The following ARTN variants were observed in gnomAD, a reference collection of about 807,000 sequenced individuals.
ARTN encodes the protein neublastin.
A neutral mutation model predicts 15.4 loss-of-function variants in ARTN; 9 were observed. The observed-to-expected ratio is 0.58, with a 90% CI of 0.35 to 1.02. The LOEUF (loss-of-function observed/expected upper bound fraction) is 1.02. Among genes scored for constraint, ARTN ranks in the 50% least tolerant of loss-of-function variants. The pLI is 0.02. For missense variants in ARTN, 284 were observed against 327.9 expected (o/e 0.87, Z 1.03); for synonymous variants, 163 against 155.8 (o/e 1.05, Z -0.35).
chr1:43,936,686 C>A lies in ARTN; in HGVS notation c.584C>A (p.Ala195Glu). The A allele has an allele frequency of 6.3e-7, 1 of 1,596,748 alleles. No homozygotes were observed. Among genetic ancestry groups the A allele is most frequent in the Admixed American group, 1.7e-5 (1 of 58,598 alleles). ...TGCTGCCGACCCACGCGCTACGAAG[C>A]GGTCTCCTTCATGGACGTCAACAGC... is the stretch of plus-strand genomic sequence containing the variant. Reference protein sequence around the residue: ...QPCCRPTRYEAVSFMDVNSTW... With the variant: ...QPCCRPTRYEEVSFMDVNSTW... The change falls in exon 5 of 5, where the codon GCG becomes GAG. Residue 195 changes from alanine to glutamate, a missense_variant. Transcript: ENST00000372359. This position sits in a 1 kb window ranked among gnomAD's most constrained non-coding sequence, Gnocchi z 6.6.
rs2085064697 is a variant in ARTN, at chr1:43,933,853, G to C, written c.-249G>C. On this transcript the variant is annotated 5_prime_UTR_variant, in exon 1 of 5. Coordinates refer to ENST00000372359, the MANE Select transcript of ARTN (RefSeq NM_057091.3). Reference sequence around the variant, plus strand: ...GCAGGTCCCTCGGGCCCCAGCCCTCGCTGCCACCCGGGCCTGGAGCCCCAC... The same window carrying C: ...GCAGGTCCCTCGGGCCCCAGCCCTCCCTGCCACCCGGGCCTGGAGCCCCAC... The C allele has an allele frequency of 6.6e-6, 1 of 152,310 alleles. No homozygotes were observed. Among genetic ancestry groups the C allele is most frequent in the African/African-American group, 2.4e-5 (1 of 41,446 alleles). The allele number at this position is 152,310 out of a possible 1,614,324, so 9.4% of individuals were successfully genotyped here. A position where few individuals can be genotyped will look rare whatever the true frequency, so the allele number is the denominator to read the frequency against.
Position 43,936,668 on chromosome 1 carries a change from G to A in ARTN, c.566G>A (p.Arg189Gln). The A allele has an allele frequency of 6.3e-7, 1 of 1,597,420 alleles. No homozygotes were observed. Among genetic ancestry groups the A allele is most frequent in the Non-Finnish European group, 8.5e-7 (1 of 1,172,588 alleles). The change falls in exon 5 of 5, where the codon CGA becomes CAA. Residue 189 changes from arginine to glutamine, a missense_variant. Transcript: ENST00000372359. This position sits in a 1 kb window ranked among gnomAD's most constrained non-coding sequence, Gnocchi z 6.6. The part of the protein sequence containing the change: ...GSRPVSQPCC[R>Q]PTRYEAVSFM... ...CGGCCCGTCAGCCAGCCCTGCTGCC[G>A]ACCCACGCGCTACGAAGCGGTCTCC... is the stretch of plus-strand genomic sequence containing the variant.
intron 3 of ARTN, 124 bp from the exon 4 acceptor site, chr1:43,935,969 C>A: frequency 2.9e-6 from 4 of 1,364,066 alleles, no homozygotes; most frequent in Non-Finnish European, 4.2e-6. Context: ...CCCCTCCACA[C>A]AGCTAGGAGC....
At chr1:43,935,874 T>C (rs2085085974) in intron 3 of ARTN, 158 bp downstream of exon 3, 3 of 897,306 alleles carry the variant, frequency 3.3e-6, no homozygotes, top group Non-Finnish European at 5.2e-6. Flanking sequence ...CTTCTCTGAA[T>C]GGTCGGTGCA....
At position 43,936,892 on chromosome 1, in the gene ARTN, T is replaced by TTC; in HGVS notation, c.*127_*128insTC. Reference sequence around the variant, plus strand: ...GAAGGCCTCAAAGCTGAGAGGCCCCTGCCGGTGGGTGATGGATATCATCCC... The same window carrying TTC: ...GAAGGCCTCAAAGCTGAGAGGCCCCTTCGCCGGTGGGTGATGGATATCATCCC... On this transcript the variant is annotated 3_prime_UTR_variant, in exon 5 of 5. Coordinates refer to ENST00000372359, the MANE Select transcript of ARTN (RefSeq NM_057091.3). The surrounding 1 kb of genome is among the most constrained non-coding windows in gnomAD (Gnocchi z 6.6). The TTC allele has an allele frequency of 8.0e-7, 1 of 1,249,844 alleles. No homozygotes were observed. The highest frequency in any genetic ancestry group is 1.0e-6 in the Non-Finnish European group (1 of 975,252). The allele number at this position is 1,249,844 out of a possible 1,614,324, so 77.4% of individuals were successfully genotyped here.
At chr1:43,935,568 A>T in intron 2 of ARTN, 22 bp from the exon 3 acceptor site, 1 of 1,367,956 alleles carries the variant, frequency 7.3e-7, no homozygotes, top group Non-Finnish European at 1.0e-6. Context: ...CACAAAAGAT[A>T]ACTCATCTCT....
In ARTN at chr1:43,936,802, C is replaced by T. The variant is rs1175174127; in HGVS notation, c.*37C>T. ...AGGGCTTTGCAGACTGGACCCTTAC[C>T]GGTGGCTCTTCCTGCCTGGGACCCT... is the stretch of plus-strand genomic sequence containing the variant. On this transcript the variant is annotated 3_prime_UTR_variant, in exon 5 of 5. Transcript: ENST00000372359. This position sits in a 1 kb window ranked among gnomAD's most constrained non-coding sequence, Gnocchi z 6.6. The T allele has an allele frequency of 2.2e-6, 3 of 1,395,138 alleles. No individual in the cohort carries two copies. The highest frequency in any genetic ancestry group is 2.8e-6 in the Non-Finnish European group (3 of 1,067,206). 86.4% of individuals were successfully genotyped at this position (1,395,138 alleles called of 1,614,324 possible). A position where few individuals can be genotyped will look rare whatever the true frequency, so the allele number is the denominator to read the frequency against.
rs2154301700 is a variant in ARTN, at chr1:43,936,561, C to T, written c.459C>T (p.Ser153=). ...ELVRFRFCSG[S]CRRARSPHDL... ...TGCGTTTCCGCTTCTGCAGCGGCTC[C>T]TGCCGCCGCGCGCGCTCTCCACACG... is the stretch of plus-strand genomic sequence containing the variant. Residue 153 remains serine (S), a synonymous_variant, in exon 5 of 5, where the codon TCC becomes TCT. Coordinates refer to ENST00000372359, the MANE Select transcript of ARTN (RefSeq NM_057091.3). This position sits in a 1 kb window ranked among gnomAD's most constrained non-coding sequence, Gnocchi z 6.6. 6.5e-7 allele frequency: 1 copy of T among 1,550,220 alleles called. No homozygotes were observed. The highest frequency in any genetic ancestry group is 8.7e-7 in the Non-Finnish European group (1 of 1,153,126).
At position 43,935,660 on chromosome 1, in the gene ARTN, G is replaced by A. The variant is rs1371203435; in HGVS notation, c.4G>A (p.Glu2Lys). 5.0e-6 allele frequency: 8 copies of A among 1,613,462 alleles called. No homozygotes were observed. The highest frequency in any genetic ancestry group is 1.3e-5 in the African/African-American group (1 of 74,920). ...GGCGCTCCTGGTGTTGATAGAGATG[G>A]AACTTGGACTTGGAGGCCTCTCCAC... Reference protein sequence around the residue: MELGLGGLSTLS... With the variant: MKLGLGGLSTLS... Residue 2 changes from glutamate (E) to lysine (K), a missense_variant, in exon 3 of 5, where the codon GAA (glutamate) becomes AAA (lysine). Glu to Lys is a moderately conservative substitution (Grantham distance 56). Coordinates refer to ENST00000372359, the MANE Select transcript of ARTN (RefSeq NM_057091.3).
In ARTN at chr1:43,936,849, G is replaced by C. The variant is rs2085105474; in HGVS notation, c.*84G>C. On this transcript the variant is annotated 3_prime_UTR_variant, in exon 5 of 5. Transcript: ENST00000372359. The surrounding 1 kb of genome is among the most constrained non-coding windows in gnomAD (Gnocchi z 6.6). ...CCCTCCCGCAGAGTCCCACTAGCCAGCGGCCTCAGCCAGGGACGAAGGCCT... is the reference window on the plus strand; with the variant it reads ...CCCTCCCGCAGAGTCCCACTAGCCACCGGCCTCAGCCAGGGACGAAGGCCT... The C allele has an allele frequency of 3.0e-6, 4 of 1,328,148 alleles. No individual in the cohort carries two copies. In the South Asian group the frequency reaches 8.4e-5, roughly 28 times the overall value. The allele number at this position is 1,328,148 out of a possible 1,614,324, so 82.3% of individuals were successfully genotyped here.
At chr1:43,935,804 G>C (rs2085085355) in intron 3 of ARTN, 88 bp downstream of exon 3, 1 of 1,335,792 alleles carries the variant, frequency 7.5e-7, no homozygotes, top group Non-Finnish European at 1.0e-6. Flanking sequence ...TTGGGCAGCG[G>C]TTAGGTGTGG....
rs777421734 is a variant in ARTN, at chr1:43,936,633, C to A, written c.531C>A (p.Pro177=). ...TGGGCGCCGGGGCCCTGCGACCGCCCCCGGGCTCCCGGCCCGTCAGCCAGC... is the reference window on the plus strand; with the variant it reads ...TGGGCGCCGGGGCCCTGCGACCGCCACCGGGCTCCCGGCCCGTCAGCCAGC... ...SLLGAGALRP[P]PGSRPVSQPC... The change falls in exon 5 of 5, where the codon CCC becomes CCA. Residue 177 remains proline, a synonymous_variant. Coordinates refer to ENST00000372359, the MANE Select transcript of ARTN (RefSeq NM_057091.3). The surrounding 1 kb of genome is among the most constrained non-coding windows in gnomAD (Gnocchi z 6.6). 6.3e-7 allele frequency: 1 copy of A among 1,594,192 alleles called. No homozygotes were observed. Among genetic ancestry groups the A allele is most frequent in the South Asian group, 1.1e-5 (1 of 88,476 alleles).
rs1406643936 is a variant in ARTN at position 43,936,403 on chromosome 1, C to T, written c.301C>T (p.Arg101Cys). 2 of 1,186,222 alleles carry T rather than the reference C, an allele frequency of 1.7e-6. No individual in the cohort carries two copies. Among genetic ancestry groups the T allele is most frequent in the Non-Finnish European group, 2.1e-6 (2 of 959,320 alleles). The allele number at this position is 1,186,222 out of a possible 1,614,324, so 73.5% of individuals were successfully genotyped here. A position where few individuals can be genotyped will look rare whatever the true frequency, so the allele number is the denominator to read the frequency against. Residue 101 changes from arginine (R) to cysteine (C), a missense_variant, in exon 5 of 5, where the codon CGC (arginine) becomes TGC (cysteine). Arg to Cys is a radical substitution (Grantham distance 180). Coordinates refer to ENST00000372359, the MANE Select transcript of ARTN (RefSeq NM_057091.3). This position sits in a 1 kb window ranked among gnomAD's most constrained non-coding sequence, Gnocchi z 6.6. ...PPPAPPSALPRGGRAARAGGP... is the reference protein window; with the variant it reads ...PPPAPPSALPCGGRAARAGGP... ...GCCTGCACCCCCATCTGCTCTTCCC[C>T]GCGGGGGCCGCGCGGCGCGGGCTGG...
chr1:43,935,859 C>A, intron 3 of ARTN, 143 bp downstream of exon 3: 1 of 925,208 alleles, frequency 1.1e-6, no homozygotes, highest in Non-Finnish European at 1.7e-6. Flanking sequence ...GGAGGAGGAG[C>A]GGGACTTCTC....
In ARTN at chr1:43,935,995, T is replaced by A. The variant is rs559400847; in HGVS notation, c.61-98T>A. 9.2e-6 allele frequency: 14 copies of A among 1,523,422 alleles called. No homozygotes were observed. In the African/African-American group the frequency reaches 1.9e-4, roughly 21 times the overall value. 94.4% of individuals were successfully genotyped at this position (1,523,422 alleles called of 1,614,324 possible). A position where few individuals can be genotyped will look rare whatever the true frequency, so the allele number is the denominator to read the frequency against. On this transcript the variant is annotated intron_variant, in intron 3 of 4. Transcript: ENST00000372359. ...AGCTAGGAGCCCATGCCCGGCCTGA[T>A]CTCAGCCCGAGGACAGCCCCTCCTT...
At chr1:43,934,898 T>A (rs1050151408) in intron 2 of ARTN, among the ~76,000 whole-genome samples, 5 of 152,158 alleles carry the variant, frequency 3.3e-5, no homozygotes, top group African/African-American at 1.2e-4. Flanking sequence ...CTGCTTGGAA[T>A]CTGCAGGCTT....
rs1467322462 is a variant in ARTN, at chr1:43,936,534, G to A, written c.432G>A (p.Leu144=). 6.6e-7 allele frequency: 1 copy of A among 1,508,566 alleles called. No individual in the cohort carries two copies. Among genetic ancestry groups the A allele is most frequent in the Admixed American group, 2.1e-5 (1 of 48,142 alleles). The allele number at this position is 1,508,566 out of a possible 1,614,324, so 93.4% of individuals were successfully genotyped here. Reference sequence around the variant, plus strand: ...GCCTGGGCCACCGCTCCGACGAGCTGGTGCGTTTCCGCTTCTGCAGCGGCT... The same window carrying A: ...GCCTGGGCCACCGCTCCGACGAGCTAGTGCGTTTCCGCTTCTGCAGCGGCT... ...ALGLGHRSDE[L]VRFRFCSGSC... The change falls in exon 5 of 5, where the codon CTG becomes CTA. Residue 144 remains leucine (L), a synonymous_variant. Coordinates refer to ENST00000372359, the MANE Select transcript of ARTN (RefSeq NM_057091.3). The surrounding 1 kb of genome is among the most constrained non-coding windows in gnomAD (Gnocchi z 6.6).
Position 43,935,600 on chromosome 1 carries a change from A to C in ARTN, c.-57A>C, listed in dbSNP as rs974613410. 6.3e-5 allele frequency: 99 copies of C among 1,572,972 alleles called. No homozygotes were observed. The highest frequency in any genetic ancestry group is 1.6e-5 in the Non-Finnish European group (18 of 1,153,554). On this transcript the variant is annotated 5_prime_UTR_variant, in exon 3 of 5. Transcript: ENST00000372359. ...CTCTTAATTTGCAAGCTGCCTCAAC[A>C]GGAGGGTGGGGGAACAGCTCAACAA...
chr1:43,936,422 G>A lies in ARTN; in HGVS notation c.320G>A (p.Arg107Gln). The A allele has an allele frequency of 8.7e-7, 1 of 1,146,000 alleles. No individual in the cohort carries two copies. Among genetic ancestry groups the A allele is most frequent in the Non-Finnish European group, 1.1e-6 (1 of 933,910 alleles). 71.0% of individuals were successfully genotyped at this position (1,146,000 alleles called of 1,614,324 possible). ...CTTCCCCGCGGGGGCCGCGCGGCGCGGGCTGGGGGCCCGGGCAGCCGCGCT... is the reference window on the plus strand; with the variant it reads ...CTTCCCCGCGGGGGCCGCGCGGCGCAGGCTGGGGGCCCGGGCAGCCGCGCT... ...SALPRGGRAA[R>Q]AGGPGSRARA... The change falls in exon 5 of 5, where the codon CGG becomes CAG. Residue 107 changes from arginine (R) to glutamine (Q), a missense_variant. By Grantham distance (43) the Arg-to-Gln change is conservative (BLOSUM62 1). Transcript: ENST00000372359. The surrounding 1 kb of genome is among the most constrained non-coding windows in gnomAD (Gnocchi z 6.6).
Sources: gnomAD v4.1 joint callset for allele counts (sites outside exome capture counted in the v4.1 genomes callset) on GRCh38, gnomAD v4.1.1 for gene constraint, Gnocchi (gnomAD v3.1) non-coding constraint, MANE v1.5 for transcripts, NCBI Gene and HGNC (gene_info 2026-07-23, HGNC 2026-07-21) for gene names.